The following MROH9 variants were observed in gnomAD, a reference collection of about 807,000 sequenced individuals.
MROH9 encodes maestro heat like repeat family member 9.
In MROH9, 92 loss-of-function variants were observed where a neutral mutation model predicts 98.2. The ratio of observed to expected loss-of-function variants is 0.94; its 90% CI spans 0.79 to 1.11. The LOEUF (loss-of-function observed/expected upper bound fraction) is 1.11, where lower values mean the gene tolerates loss of function less well. MROH9 is among the 50% of genes most tolerant of loss of function. The probability of loss-of-function intolerance (pLI) is 0.00; values close to 1 mark genes in which losing one functional copy is unlikely to be tolerated. For missense variants in MROH9, 1,057 were observed against 1,014.8 expected (o/e 1.04, Z -0.57); for synonymous variants, 397 against 368.9 (o/e 1.08, Z -0.87).
intron 7 of MROH9, 114 bp downstream of exon 7, chr1:170,965,369 T>G: frequency 1.5e-6 from 1 of 655,122 alleles, no homozygotes; most frequent in Admixed American, 2.8e-5. Context: ...ATTATTGTAC[T>G]GGTAGGTTGG....
At chr1:170,995,675 T>C in intron 13 of MROH9, 144 bp downstream of exon 13, 1 of 964,572 alleles carries the variant, frequency 1.0e-6, no homozygotes, top group Non-Finnish European at 1.5e-6. Flanking sequence ...CTCTGAATGG[T>C]AGAATGCCTT....
intron 20 of MROH9, among the ~76,000 whole-genome samples, chr1:171,057,967 G>A (rs1397909506): frequency 6.7e-6 from 1 of 148,794 alleles, no homozygotes. Flanking sequence ...CTAAATATGG[G>A]GGGAAAAAAA....
At position 171,055,388 on chromosome 1, in the gene MROH9, C is replaced by T. The variant is rs561663503; in HGVS notation, c.2282-6744C>T. ...CTTTAATCCCAGCACTTTGGGAGGC[C>T]GTGGTGGGCAGATCACAAGGTCAGG... On this transcript the variant is annotated intron_variant, in intron 20 of 21. Transcript: ENST00000367759. 4.6e-5 allele frequency among the ~76,000 whole-genome samples: 7 copies of T among 152,002 alleles called. 1 individual carries two copies. In the South Asian group the frequency reaches 1.5e-3, roughly 32 times the overall value.
intron 9 of MROH9, among the ~76,000 whole-genome samples, chr1:170,986,186 G>A (rs1651124584): frequency 6.6e-6 from 1 of 152,070 alleles, no homozygotes; most frequent in South Asian, 2.1e-4. Flanking sequence ...CCATGCCTTT[G>A]ATTCCCTTGA....
intron 14 of MROH9, among the ~76,000 whole-genome samples, chr1:170,997,352 G>C (rs1024936160): frequency 6.6e-6 from 1 of 152,124 alleles, no homozygotes; most frequent in African/African-American, 2.4e-5. Context: ...GTCACAAGTT[G>C]AATGTCACTC....
intron 17 of MROH9, 107 bp from the exon 18 acceptor site, chr1:171,024,288 A>G: frequency 1.4e-6 from 1 of 705,352 alleles, no homozygotes; most frequent in South Asian, 2.0e-5. Flanking sequence ...ATACATATAT[A>G]GTATATTTAT....
At chr1:170,995,648 T>G (rs968484045) in intron 13 of MROH9, 117 bp downstream of exon 13, 20 of 1,169,770 alleles carry the variant, frequency 1.7e-5, no homozygotes, top group Admixed American at 1.6e-4. Context: ...TGTGTTCATT[T>G]ATTACAGTTT....
At chr1:170,998,779 C>CA in intron 15 of MROH9, 1 of 969,302 alleles carries the variant, frequency 1.0e-6, no homozygotes, top group Non-Finnish European at 1.2e-6. Flanking sequence ...CTTTTGTTTA[C>CA]AAAAAATAAA....
At chr1:170,938,236 A>G (rs1399743227) in intron 1 of MROH9, among the ~76,000 whole-genome samples, 1 of 152,194 alleles carries the variant, frequency 6.6e-6, no homozygotes, top group Non-Finnish European at 1.5e-5. Context: ...CCCTGATGGA[A>G]GAATTCTTCC....
chr1:170,965,102 G>A lies in MROH9; in HGVS notation c.376-49G>A. 2.2e-6 allele frequency: 3 copies of A among 1,380,934 alleles called. 1 individual carries two copies. The highest frequency in any genetic ancestry group is 1.2e-5 in the South Asian group (1 of 80,232). The allele number at this position is 1,380,934 out of a possible 1,614,324, so 85.5% of individuals were successfully genotyped here. Reference sequence around the variant, plus strand: ...GTTGAAGAATAGAGGAAAGGTTCTTGGAAAATGGAAATTTCATGGTTCTAG... The same window carrying A: ...GTTGAAGAATAGAGGAAAGGTTCTTAGAAAATGGAAATTTCATGGTTCTAG... On this transcript the variant is annotated intron_variant, in intron 6 of 21. Coordinates refer to ENST00000367759, the MANE Select transcript of MROH9 (RefSeq NM_001163629.2).
chr1:170,988,965 T>C (rs2101805384), intron 10 of MROH9, among the ~76,000 whole-genome samples: 1 of 152,270 alleles, frequency 6.6e-6, no homozygotes, highest in Non-Finnish European at 1.5e-5. Flanking sequence ...TAGTTTGATA[T>C]CTCTCATTTC....
Position 171,020,011 on chromosome 1 carries a change from T to A in MROH9, c.1908+3675T>A, listed in dbSNP as rs577779427. On this transcript the variant is annotated intron_variant, in intron 17 of 21. Transcript: ENST00000367759. ...ATCTATACACAAATAAACGGTAAAA[T>A]CAAGAAGAAATGGGTAAATTCCTGG... Among the ~76,000 whole-genome samples the A allele has an allele frequency of 5.1e-4, 78 of 151,944 alleles. 1 individual carries two copies. In the South Asian group the frequency reaches 0.012, roughly 24 times the overall value.
chr1:170,996,563 A>T lies in MROH9; in HGVS notation c.1394A>T (p.Asp465Val). Residue 465 changes from aspartate to valine, a missense_variant, in exon 14 of 22, where the codon GAT (aspartate) becomes GTT (valine). Transcript: ENST00000367759. ...AATTGTTCTGGACTGCAACAGGTGG[A>T]TATTACTCTAATGAAGGAGAATTTC... ...LLNCSGLQQV[D>V]ITLMKENFWD... 1.2e-6 allele frequency: 2 copies of T among 1,613,606 alleles called. No homozygotes were observed. The highest frequency in any genetic ancestry group is 1.7e-6 in the Non-Finnish European group (2 of 1,179,682).
intron 8 of MROH9, among the ~76,000 whole-genome samples, chr1:170,977,393 T>G (rs1425622417): frequency 6.6e-6 from 1 of 152,208 alleles, no homozygotes; most frequent in Non-Finnish European, 1.5e-5. Context: ...GTATAGTCAG[T>G]AGACTTCCTT....
intron 20 of MROH9, among the ~76,000 whole-genome samples, chr1:171,035,583 A>G (rs1653075866): frequency 6.6e-6 from 1 of 152,134 alleles, no homozygotes; most frequent in East Asian, 1.9e-4. Context: ...ATGTAAATTT[A>G]TAAGAAAAAA....
intron 8 of MROH9, among the ~76,000 whole-genome samples, chr1:170,973,939 T>G (rs1373327230): frequency 6.6e-6 from 1 of 152,186 alleles, no homozygotes; most frequent in East Asian, 1.9e-4. Flanking sequence ...TTAAAGGAAT[T>G]AGAAGATAAA....
chr1:170,988,646 T>C (rs2101805073), intron 10 of MROH9, among the ~76,000 whole-genome samples: 1 of 152,286 alleles, frequency 6.6e-6, no homozygotes, highest in South Asian at 2.1e-4. Flanking sequence ...CTGAAAACAG[T>C]GGATTCTTGT....
intron 15 of MROH9, among the ~76,000 whole-genome samples, chr1:170,999,346 C>T (rs546607538): frequency 6.6e-6 from 1 of 152,202 alleles, no homozygotes; most frequent in South Asian, 2.1e-4. Flanking sequence ...CCCCAAAGTC[C>T]ATTGTATCAT....
At chr1:170,991,437 C>A (rs1165074579) in intron 11 of MROH9, among the ~76,000 whole-genome samples, 2 of 152,034 alleles carry the variant, frequency 1.3e-5, no homozygotes, top group Non-Finnish European at 2.9e-5. Flanking sequence ...GATCAGGCAC[C>A]TATATGATGA....
Sources: gnomAD v4.1 joint callset for allele counts (sites outside exome capture counted in the v4.1 genomes callset) on GRCh38, gnomAD v4.1.1 for gene constraint, MANE v1.5 for transcripts, NCBI Gene and HGNC (gene_info 2026-07-23, HGNC 2026-07-21) for gene names.